SSH2: variants seen among roughly 807,000 people sequenced by gnomAD.
SSH2 encodes slingshot protein phosphatase 2.
Under a neutral mutation model 135.2 loss-of-function variants are expected in SSH2, and 37 were observed. The observed-to-expected ratio is 0.27, with a 90% CI of 0.21 to 0.36. The LOEUF (loss-of-function observed/expected upper bound fraction) is 0.36. SSH2 is among the 10% of genes least tolerant of loss of function. The probability of loss-of-function intolerance (pLI) is 1.00; values close to 1 mark genes in which losing one functional copy is unlikely to be tolerated. For missense variants in SSH2, 1,408 were observed against 1,765.3 expected, an observed-to-expected ratio of 0.80 and a Z score of 3.63; for synonymous variants, 628 against 646.2, an observed-to-expected ratio of 0.97 and a Z score of 0.43.
intron 11 of SSH2, among the ~76,000 whole-genome samples, 195 bp downstream of exon 11, chr17:29,666,672 G>A (rs1395769621): frequency 1.3e-5 from 2 of 152,202 alleles, no homozygotes; most frequent in Admixed American, 1.3e-4. Context: ...GACAGAGCGA[G>A]ACTGTCACAC....
At chr17:29,895,218 T>A (rs1292377789) in intron 1 of SSH2, among the ~76,000 whole-genome samples, 9 of 142,430 alleles carry the variant, frequency 6.3e-5, no homozygotes, top group Non-Finnish European at 1.1e-4. Context: ...TTATATATAT[T>A]TTATAAATAC....
At chr17:29,782,738 A>G (rs1344402213) in intron 3 of SSH2, among the ~76,000 whole-genome samples, 1 of 152,156 alleles carries the variant, frequency 6.6e-6, no homozygotes, top group Non-Finnish European at 1.5e-5. Flanking sequence ...GGCATGCGCC[A>G]CCACGCCTGG....
rs184496992 is a variant in SSH2 at position 29,755,567 on chromosome 17, C to T, written c.188+38327G>A. 2.6e-5 allele frequency among the ~76,000 whole-genome samples: 4 copies of T among 152,176 alleles called. No homozygotes were observed. In the East Asian group the frequency reaches 7.7e-4, roughly 29 times the overall value. ...GCCTATGAAATTACCAAAATAGATG[C>T]CCAAAACCCACACTCCGAAAGTCAT... is the stretch of plus-strand genomic sequence containing the variant. On this transcript the variant is annotated intron_variant, in intron 3 of 15. Transcript: ENST00000540801.
At chr17:29,898,376 C>G (rs1312110848) in intron 1 of SSH2, among the ~76,000 whole-genome samples, 2 of 151,970 alleles carry the variant, frequency 1.3e-5, no homozygotes, top group East Asian at 1.9e-4. Flanking sequence ...AATTGATAGA[C>G]CGCTAGCAAG....
intron 2 of SSH2, among the ~76,000 whole-genome samples, chr17:29,816,148 C>T (rs1010168897): frequency 3.3e-5 from 5 of 152,174 alleles, no homozygotes; most frequent in African/African-American, 1.2e-4. Flanking sequence ...CATGCCTGGC[C>T]TAGAGCCCTG....
In SSH2 at chr17:29,710,654, G is replaced by A. The variant is rs528004259; in HGVS notation, c.189-7592C>T. 1.9e-4 allele frequency among the ~76,000 whole-genome samples: 29 copies of A among 152,284 alleles called. No homozygotes were observed. In the South Asian group the frequency reaches 5.6e-3, roughly 29 times the overall value. ...TCCCACTTGGTGTGACCACACCACA[G>A]ACAGGGAATTTCATAATAAAAAGTT... On this transcript the variant is annotated intron_variant, in intron 3 of 15. Transcript: ENST00000540801.
At chr17:29,833,095 A>G (rs964207261) in intron 2 of SSH2, among the ~76,000 whole-genome samples, 3 of 152,204 alleles carry the variant, frequency 2.0e-5, no homozygotes, top group Non-Finnish European at 4.4e-5. Context: ...GTAAATATCT[A>G]TTAGTTCCAT....
intron 3 of SSH2, among the ~76,000 whole-genome samples, chr17:29,736,065 C>A (rs2040353143): frequency 2.0e-5 from 3 of 152,062 alleles, no homozygotes. Flanking sequence ...CCACTGCAGT[C>A]CAGCCTGGAC....
chr17:29,665,628 A>T (rs974161456), intron 11 of SSH2, among the ~76,000 whole-genome samples: 1 of 152,224 alleles, frequency 6.6e-6, no homozygotes, highest in African/African-American at 2.4e-5. Flanking sequence ...ACTTCCTTGT[A>T]AGCATTTTTG....
chr17:29,849,408 G>T (rs1022206367), intron 1 of SSH2, among the ~76,000 whole-genome samples: 4 of 151,032 alleles, frequency 2.6e-5, no homozygotes, highest in African/African-American at 9.8e-5. Context: ...GAACCCGGAA[G>T]GCTGAGCTTG....
intron 10 of SSH2, 42 bp from the exon 11 acceptor site, chr17:29,667,037 C>T: frequency 3.1e-6 from 5 of 1,613,050 alleles, no homozygotes; most frequent in Non-Finnish European, 4.2e-6. Flanking sequence ...CTTAAAGTCC[C>T]TCTGTACTTT....
chr17:29,929,843 G>T, intron 1 of SSH2, 95 bp downstream of exon 1: 1 of 1,214,570 alleles, frequency 8.2e-7, no homozygotes, highest in Admixed American at 2.0e-5. Context: ...GGGAAGCGGC[G>T]CGGCGCGTGC....
intron 1 of SSH2, among the ~76,000 whole-genome samples, chr17:29,915,822 AT>A (rs953174950): frequency 2.0e-5 from 3 of 151,566 alleles, no homozygotes; most frequent in African/African-American, 7.3e-5. Flanking sequence ...ATTTTTTTAA[AT>A]TTTTTATATA....
intron 3 of SSH2, among the ~76,000 whole-genome samples, chr17:29,789,488 G>A (rs1169438184): frequency 2.0e-5 from 3 of 152,300 alleles, no homozygotes; most frequent in African/African-American, 4.8e-5. Flanking sequence ...CTGTGACTAC[G>A]CATTATCCTT....
Position 29,804,843 on chromosome 17 carries a change from CTT to C in SSH2, c.145-10908_145-10907del, listed in dbSNP as rs531310094. Among the ~76,000 whole-genome samples the C allele has an allele frequency of 5.2e-3, 518 of 98,974 alleles. 1 individual carries two copies. Among genetic ancestry groups the C allele is most frequent in the African/African-American group, 0.021 (489 of 23,480 alleles). 64.9% of individuals were successfully genotyped at this position (98,974 alleles called of 152,430 possible). The stretch of plus-strand genomic sequence containing the variant: ...TATAGGTGCATACCACCACATCTGG[CTT>C]TTTTTTTTTTTTTTTTTTTTTTGAA... On this transcript the variant is annotated intron_variant, in intron 2 of 15. Transcript: ENST00000540801.
chr17:29,915,925 A>T, intron 1 of SSH2, among the ~76,000 whole-genome samples: 1 of 151,236 alleles, frequency 6.6e-6, no homozygotes, highest in East Asian at 2.0e-4. Flanking sequence ...GGTGTGCTGC[A>T]CCCATTAACT....
rs1599133023 is a variant in SSH2, at chr17:29,879,212, T to C, written c.64-30283A>G. On this transcript the variant is annotated intron_variant, in intron 1 of 15. Coordinates refer to ENST00000540801, the MANE Select transcript of SSH2 (RefSeq NM_001282129.2). ...AGAATATTGAAAATCTGTAATATAG[T>C]TTAAGTATTATCATTTCCATATTAT... Among the ~76,000 whole-genome samples, 7 of 152,214 alleles carry C rather than the reference T, an allele frequency of 4.6e-5. 1 individual carries two copies. Among genetic ancestry groups the C allele is most frequent in the Admixed American group, 4.6e-4 (7 of 15,290 alleles).
At chr17:29,752,699 T>G (rs1431959201) in intron 3 of SSH2, among the ~76,000 whole-genome samples, 1 of 152,030 alleles carries the variant, frequency 6.6e-6, no homozygotes, top group Non-Finnish European at 1.5e-5. Flanking sequence ...TGTAAAACTT[T>G]TATATGGGAC....
chr17:29,761,009 A>C, intron 3 of SSH2: 1 of 834,290 alleles, frequency 1.2e-6, no homozygotes, highest in South Asian at 1.6e-5. Flanking sequence ...TTCCCTCCAG[A>C]CGCACGGAGA....
Sources: allele counts gnomAD v4.1 joint callset (sites outside exome capture counted in the v4.1 genomes callset), GRCh38; gene constraint gnomAD v4.1.1; transcripts MANE v1.5; gene names NCBI Gene and HGNC (gene_info 2026-07-23, HGNC 2026-07-21).